The following DPP10 variants were observed in gnomAD, a reference collection of about 807,000 sequenced individuals.
The protein encoded by DPP10 is dipeptidyl peptidase like 10, also known as inactive dipeptidyl peptidase 10.
A neutral mutation model predicts 120.9 loss-of-function variants in DPP10; 33 were observed. The ratio of observed to expected loss-of-function variants is 0.27; its 90% CI spans 0.21 to 0.37. DPP10 has a LOEUF of 0.37. Among genes scored for constraint, DPP10 ranks in the 10% least tolerant of loss-of-function variants. DPP10 has a pLI of 1.00. For missense variants in DPP10, 816 were observed against 942.8 expected (o/e 0.87, Z 1.76); for synonymous variants, 337 against 326.1 (o/e 1.03, Z -0.36).
chr2:115,551,517 A>G (rs1259823591), intron 5 of DPP10, among the ~76,000 whole-genome samples: 3 of 152,058 alleles, frequency 2.0e-5, no homozygotes, highest in East Asian at 1.9e-4. Context: ...TTGACTTTCA[A>G]ACTTTTCATG....
chr2:115,500,196 A>G lies in DPP10; in HGVS notation c.366+592A>G, dbSNP rs187565040. 1.8e-4 allele frequency among the ~76,000 whole-genome samples: 27 copies of G among 152,132 alleles called. No individual in the cohort carries two copies. The East Asian group carries it at 5.0e-3, about 28-fold the overall frequency. ...CTGAAAAATCTAGTACCCTAAGGTTAGGAGACTTAGCTATAATTACCTATT... is the reference window on the plus strand; with the variant it reads ...CTGAAAAATCTAGTACCCTAAGGTTGGGAGACTTAGCTATAATTACCTATT... On this transcript the variant is annotated intron_variant, in intron 4 of 25. Transcript: ENST00000410059.
At chr2:114,887,324 G>A (rs945327135) in intron 1 of DPP10, among the ~76,000 whole-genome samples, 7 of 152,098 alleles carry the variant, frequency 4.6e-5, no homozygotes, top group East Asian at 3.9e-4. Context: ...AGGTAGGCTC[G>A]GGAGAAAAAA....
intron 5 of DPP10, among the ~76,000 whole-genome samples, chr2:115,565,454 A>G (rs1490103478): frequency 6.6e-6 from 1 of 152,278 alleles, no homozygotes. Context: ...ATACATTGAT[A>G]AAAAAGAAAA....
At chr2:115,127,266 A>G (rs1439065268) in intron 1 of DPP10, among the ~76,000 whole-genome samples, 3 of 152,238 alleles carry the variant, frequency 2.0e-5, no homozygotes, top group African/African-American at 7.2e-5. Context: ...TCTTCGTGTT[A>G]AAATGATTAA....
intron 5 of DPP10, among the ~76,000 whole-genome samples, chr2:115,607,761 TTA>T (rs2083795824): frequency 6.6e-6 from 1 of 152,140 alleles, no homozygotes; most frequent in African/African-American, 2.4e-5. Flanking sequence ...CCTTGGTGTC[TTA>T]TATATAGTAT....
At chr2:114,685,903 C>T (rs1359462830) in intron 1 of DPP10, among the ~76,000 whole-genome samples, 1 of 151,966 alleles carries the variant, frequency 6.6e-6, no homozygotes, top group Admixed American at 6.6e-5. Context: ...AGCTGCCAGA[C>T]TTGCTTTTCT....
chr2:115,740,561 G>T (rs1212522904), intron 9 of DPP10, among the ~76,000 whole-genome samples: 1 of 151,992 alleles, frequency 6.6e-6, no homozygotes, highest in Non-Finnish European at 1.5e-5. Context: ...ATAAAATGCT[G>T]GTATGGAGTC....
chr2:115,584,861 G>A (rs139005870), intron 5 of DPP10, among the ~76,000 whole-genome samples: 1 of 152,196 alleles, frequency 6.6e-6, no homozygotes, highest in Non-Finnish European at 1.5e-5. Flanking sequence ...CTGGTTGCAT[G>A]ATCCTTCACA....
chr2:115,291,767 C>G (rs922816575), intron 1 of DPP10, among the ~76,000 whole-genome samples: 1 of 152,068 alleles, frequency 6.6e-6, no homozygotes, highest in Admixed American at 6.6e-5. Flanking sequence ...TGACCAGATC[C>G]TTATTGTAGA....
chr2:114,925,019 G>A (rs1695503307), intron 1 of DPP10, among the ~76,000 whole-genome samples: 1 of 152,116 alleles, frequency 6.6e-6, no homozygotes, highest in South Asian at 2.1e-4. Flanking sequence ...AGACCAGCCT[G>A]GCTAACACGG....
At chr2:115,238,122 G>T (rs570395230) in intron 1 of DPP10, among the ~76,000 whole-genome samples, 43 of 152,248 alleles carry the variant, frequency 2.8e-4, no homozygotes, top group African/African-American at 1.0e-3. Context: ...AGCTTCAAAG[G>T]ACAGGCTGAC....
intron 1 of DPP10, among the ~76,000 whole-genome samples, chr2:114,528,335 A>G (rs1685676553): frequency 6.6e-6 from 1 of 152,178 alleles, no homozygotes; most frequent in Non-Finnish European, 1.5e-5. Context: ...TTGTGACTCT[A>G]TGCATAGGCA....
chr2:115,223,613 CA>C (rs2057290032), intron 1 of DPP10, among the ~76,000 whole-genome samples: 1 of 151,862 alleles, frequency 6.6e-6, no homozygotes, highest in African/African-American at 2.4e-5. Context: ...AATGATTAAA[CA>C]AAAATATGAA....
intron 24 of DPP10, among the ~76,000 whole-genome samples, chr2:115,840,401 G>A (rs1237044674): frequency 2.3e-5 from 3 of 129,246 alleles, no homozygotes; most frequent in East Asian, 2.6e-4. Flanking sequence ...TCTGCTCACT[G>A]CAAGCTCCCC....
chr2:114,961,169 C>T (rs1394843129), intron 1 of DPP10, among the ~76,000 whole-genome samples: 2 of 150,624 alleles, frequency 1.3e-5, no homozygotes, highest in Non-Finnish European at 1.5e-5. Context: ...ATTCTTTTGC[C>T]TCAGCCTCCC....
chr2:115,835,022 CTTGCAGTGAGCCCAGGGGGCGGAGT>C (rs980330127), intron 21 of DPP10, among the ~76,000 whole-genome samples: 2 of 151,582 alleles, frequency 1.3e-5, no homozygotes, highest in African/African-American at 4.8e-5. Flanking sequence ...GGGGGCGGAG[CTTGCAGTGAGCCCAGGGGGCGGAGT>C]TTGCAGTGAA....
chr2:115,232,895 T>C (rs1342267864), intron 1 of DPP10, among the ~76,000 whole-genome samples: 1 of 152,208 alleles, frequency 6.6e-6, no homozygotes, highest in Non-Finnish European at 1.5e-5. Flanking sequence ...TACCCCGAGA[T>C]GCAAGTATTT....
chr2:114,709,612 C>G, intron 1 of DPP10, among the ~76,000 whole-genome samples: 1 of 152,140 alleles, frequency 6.6e-6, no homozygotes, highest in South Asian at 2.1e-4. Context: ...TGTTCTATAC[C>G]TTTTCCCCTT....
chr2:115,746,285 A>G, intron 10 of DPP10, 102 bp downstream of exon 10: 1 of 1,043,502 alleles, frequency 9.6e-7, no homozygotes. Context: ...CAACAAATCC[A>G]CTTGAAAATA....
Sources: allele counts gnomAD v4.1 joint callset (sites outside exome capture counted in the v4.1 genomes callset), GRCh38; gene constraint gnomAD v4.1.1; transcripts MANE v1.5; gene names NCBI Gene and HGNC (gene_info 2026-07-23, HGNC 2026-07-21).